Variants in POR observed in about 807,000 individuals in gnomAD.
The protein encoded by POR is NADPH--cytochrome P450 reductase.
A neutral mutation model predicts 84.0 loss-of-function variants in POR; 56 were observed. That is an observed-to-expected ratio of 0.67 (90% CI 0.54 to 0.83). The LOEUF (loss-of-function observed/expected upper bound fraction) is 0.83. Ranked by LOEUF, POR falls within the 40% of genes least tolerant of loss-of-function variation. POR has a pLI of 0.00. For missense variants in POR, 938 were observed against 944.3 expected (o/e 0.99, Z 0.09); for synonymous variants, 414 against 400.5 (o/e 1.03, Z -0.40).
chr7:75,932,333 A>T (rs1224160082), intron 1 of POR, among the ~76,000 whole-genome samples: 2 of 152,094 alleles, frequency 1.3e-5, no homozygotes, highest in Non-Finnish European at 2.9e-5. Flanking sequence ...GGTGTGCACC[A>T]ACACGCCCAG....
At chr7:75,967,818 C>G (rs1410242409) in intron 2 of POR, 1 of 342,288 alleles carries the variant, frequency 2.9e-6, no homozygotes, top group Non-Finnish European at 5.9e-6. Context: ...ACTCTGGAAT[C>G]CTGAGTCCTG....
intron 3 of POR, among the ~76,000 whole-genome samples, chr7:75,974,706 C>G (rs182868608): frequency 1.2e-3 from 185 of 151,846 alleles, no homozygotes; most frequent in African/African-American, 4.4e-3. Context: ...TTTGTATTTT[C>G]AGTAGAGACA....
intron 3 of POR, among the ~76,000 whole-genome samples, chr7:75,974,494 A>T: frequency 1.4e-5 from 2 of 143,982 alleles, no homozygotes; most frequent in Admixed American, 6.9e-5. Flanking sequence ...CTAGGTCTAG[A>T]TGGCTTCGTT....
chr7:75,968,895 C>T (rs1369579871), intron 2 of POR, among the ~76,000 whole-genome samples: 7 of 152,336 alleles, frequency 4.6e-5, no homozygotes, highest in Non-Finnish European at 8.8e-5. Flanking sequence ...CCTCCTCCCC[C>T]GCCACTTGCC....
At chr7:75,947,020 A>G (rs1158805921) in intron 1 of POR, 2 of 152,228 alleles carry the variant, frequency 1.3e-5, no homozygotes, top group African/African-American at 2.4e-5. Context: ...GTTGAACTCC[A>G]TGCGAAGTGC....
At chr7:75,956,444 C>G (rs1787690042) in intron 2 of POR, among the ~76,000 whole-genome samples, 2 of 152,216 alleles carry the variant, frequency 1.3e-5, no homozygotes, top group Non-Finnish European at 2.9e-5. Flanking sequence ...TGAATGCTGT[C>G]TTCATCAAGC....
intron 1 of POR, among the ~76,000 whole-genome samples, chr7:75,923,673 A>G (rs1806979373): frequency 6.6e-6 from 1 of 152,282 alleles, no homozygotes; most frequent in Non-Finnish European, 1.5e-5. Context: ...AGATCACCTG[A>G]GGTCGGGAGT....
intron 1 of POR, among the ~76,000 whole-genome samples, chr7:75,920,000 T>C (rs1411026267): frequency 2.6e-5 from 4 of 151,862 alleles, no homozygotes; most frequent in East Asian, 1.9e-4. Flanking sequence ...TTAGAATATG[T>C]TGGTGGCCAG....
At chr7:75,958,077 C>T (rs1465132901) in intron 2 of POR, among the ~76,000 whole-genome samples, 1 of 152,068 alleles carries the variant, frequency 6.6e-6, no homozygotes, top group Non-Finnish European at 1.5e-5. Flanking sequence ...TTGCTCAGTT[C>T]CTGGTGCATA....
chr7:75,931,084 A>G (rs949233959), intron 1 of POR, among the ~76,000 whole-genome samples: 4 of 149,526 alleles, frequency 2.7e-5, no homozygotes, highest in African/African-American at 4.9e-5. Context: ...CAGCCTCTCA[A>G]TGTGCTGGGA....
chr7:75,982,749 G>A (rs935916045), intron 8 of POR, among the ~76,000 whole-genome samples: 3 of 152,192 alleles, frequency 2.0e-5, no homozygotes, highest in East Asian at 1.9e-4. Flanking sequence ...GGAAGTCCTC[G>A]TGCCACTGCA....
chr7:75,981,411 G>A (rs2116597198), intron 6 of POR, 106 bp from the exon 7 acceptor site: 5 of 1,285,422 alleles, frequency 3.9e-6, no homozygotes, highest in Non-Finnish European at 5.5e-6. Flanking sequence ...AGGGTGCACA[G>A]TCCTGAGCTT....
At chr7:75,926,920 T>C (rs1807159618) in intron 1 of POR, among the ~76,000 whole-genome samples, 1 of 152,086 alleles carries the variant, frequency 6.6e-6, no homozygotes, top group Non-Finnish European at 1.5e-5. Flanking sequence ...TCTGCAGGGA[T>C]TATTTCATCT....
intron 2 of POR, 43 bp from the exon 3 acceptor site, chr7:75,972,370 T>G (rs782207166): frequency 1.3e-6 from 2 of 1,574,898 alleles, no homozygotes; most frequent in Non-Finnish European, 1.7e-6. Flanking sequence ...CTGTGTCCCA[T>G]GACACCTGCC....
intron 4 of POR, 67 bp downstream of exon 4, chr7:75,979,646 G>A (rs1237060606): frequency 1.3e-6 from 2 of 1,580,108 alleles, no homozygotes; most frequent in African/African-American, 1.3e-5. Flanking sequence ...GGTCTGTAGG[G>A]CGCCCCTCAG....
intron 2 of POR, among the ~76,000 whole-genome samples, chr7:75,968,504 CAT>C (rs1473569905): frequency 6.6e-6 from 1 of 152,252 alleles, no homozygotes; most frequent in Non-Finnish European, 1.5e-5. Context: ...GAATGGAGCC[CAT>C]TCAGAGCAGT....
rs782358364 is a variant in POR, at chr7:75,979,442, C to T, written c.238-9C>T. The stretch of plus-strand genomic sequence containing the variant: ...TGGCCCTCACCAACCCTGTGTCTGC[C>T]TTCCTTAGGGGAGGAACATCATCGT... On this transcript the variant is annotated splice_polypyrimidine_tract_variant and intron_variant, in intron 3 of 15. Coordinates refer to ENST00000461988, the MANE Select transcript of POR (RefSeq NM_000941.3). The T allele has an allele frequency of 3.1e-6, 5 of 1,612,214 alleles. No homozygotes were observed. Among genetic ancestry groups the T allele is most frequent in the Non-Finnish European group, 4.2e-6 (5 of 1,179,332 alleles).
intron 1 of POR, among the ~76,000 whole-genome samples, chr7:75,922,554 C>T (rs150892497): frequency 0.011 from 1,639 of 152,182 alleles, 33 homozygotes; most frequent in African/African-American, 0.038. Flanking sequence ...GAATGCCTGA[C>T]CTGAAGCAGT....
Position 75,985,686 on chromosome 7 carries a change from T to C in POR, c.1506T>C (p.Pro502=). ...CCAACTGGCTGCGGGCCAAGGAGCC[T>C]GCCGGGGAGAACGGCGGCCGTGCGC... Residue 502 remains proline (P), a synonymous_variant, in exon 13 of 16, where the codon CCT becomes CCC. Coordinates refer to ENST00000461988, the MANE Select transcript of POR (RefSeq NM_000941.3). 1.3e-6 allele frequency: 2 copies of C among 1,594,632 alleles called. No homozygotes were observed. Among genetic ancestry groups the C allele is most frequent in the Non-Finnish European group, 1.7e-6 (2 of 1,172,044 alleles).
Sources: allele counts gnomAD v4.1 joint callset (sites outside exome capture counted in the v4.1 genomes callset), GRCh38; gene constraint gnomAD v4.1.1; transcripts MANE v1.5; gene names NCBI Gene and HGNC (gene_info 2026-07-23, HGNC 2026-07-21).